The following DENND4C variants were observed in gnomAD, a reference collection of about 807,000 sequenced individuals.
The protein encoded by DENND4C is DENN domain-containing protein 4C.
DENND4C carries 108 observed loss-of-function variants against 203.0 expected under a neutral mutation model. The ratio of observed to expected loss-of-function variants is 0.53; its 90% CI spans 0.46 to 0.62. The LOEUF is 0.62. Ranked by LOEUF, DENND4C falls within the 20% of genes least tolerant of loss-of-function variation. The pLI, the probability that DENND4C is intolerant of heterozygous loss-of-function variation, is 0.00. For synonymous variants in DENND4C, 871 were observed against 792.4 expected (o/e 1.10, Z -1.67); for missense variants, 2,481 against 2,301.2 (o/e 1.08, Z -1.60).
chr9:19,233,443 G>C (rs1219741931), intron 1 of DENND4C, among the ~76,000 whole-genome samples: 1 of 151,436 alleles, frequency 6.6e-6, no homozygotes. Flanking sequence ...AAATTAGGCA[G>C]TTTTATTATT....
Position 19,346,090 on chromosome 9 carries a change from G to A in DENND4C, c.3321G>A (p.Lys1107=), listed in dbSNP as rs769061061. ...SSESRAGMLL[K]KSSLDSNSSE... Reference sequence around the variant, plus strand: ...AAAGTCGAGCAGGAATGTTGCTTAAGAAGAGTAGTTTGGATTCGAATTCAA... The same window carrying A: ...AAAGTCGAGCAGGAATGTTGCTTAAAAAGAGTAGTTTGGATTCGAATTCAA... The change falls in exon 23 of 33, where the codon AAG becomes AAA. Residue 1107 remains lysine (K), a synonymous_variant. Transcript: ENST00000434457. The A allele has an allele frequency of 6.2e-7, 1 of 1,614,220 alleles. No individual in the cohort carries two copies. Among genetic ancestry groups the A allele is most frequent in the South Asian group, 1.1e-5 (1 of 91,084 alleles).
At chr9:19,336,183 A>C in intron 18 of DENND4C, 87 bp from the exon 19 acceptor site, 1 of 1,204,432 alleles carries the variant, frequency 8.3e-7, no homozygotes, top group Non-Finnish European at 1.1e-6. Context: ...ATATATATAT[A>C]TAAACATACA....
Position 19,324,521 on chromosome 9 carries a change from C to T in DENND4C, c.1953+14C>T. 2 of 1,595,590 alleles carry T rather than the reference C, an allele frequency of 1.3e-6. No homozygotes were observed. The highest frequency in any genetic ancestry group is 1.7e-6 in the Non-Finnish European group (2 of 1,175,824). On this transcript the variant is annotated intron_variant, in intron 13 of 32. Coordinates refer to ENST00000434457, the MANE Select transcript of DENND4C (RefSeq NM_001330640.2). ...TGCATAGAAAAGGTAAAAGTTTGTA[C>T]TTATACTAGTGTTTAGAAAAAAAAG...
chr9:19,295,922 A>G (rs1454966451), intron 5 of DENND4C, 86 bp from the exon 6 acceptor site: 2 of 1,065,154 alleles, frequency 1.9e-6, no homozygotes, highest in East Asian at 4.8e-5. Context: ...ACTCCAAGCA[A>G]ATATTTCTTG....
intron 1 of DENND4C, among the ~76,000 whole-genome samples, chr9:19,256,281 C>CT (rs1454730615): frequency 1.5e-5 from 2 of 131,704 alleles, no homozygotes; most frequent in South Asian, 2.6e-4. Context: ...AAAAATTTTT[C>CT]TTTTTTTTCT....
At position 19,346,213 on chromosome 9, in the gene DENND4C, C is replaced by T. The variant is rs759869777; in HGVS notation, c.3444C>T (p.Ser1148=). 5 of 1,614,176 alleles carry T rather than the reference C, an allele frequency of 3.1e-6. No homozygotes were observed. In the Admixed American group the frequency reaches 8.3e-5, roughly 27 times the overall value. Residue 1148 remains serine (S), a synonymous_variant, in exon 23 of 33, where the codon AGC becomes AGT. Transcript: ENST00000434457. Reference sequence around the variant, plus strand: ...TACTTCATATTGCAAGAACCCATAGCTTTGAGAATGTTAGCTGTCACCTAC... The same window carrying T: ...TACTTCATATTGCAAGAACCCATAGTTTTGAGAATGTTAGCTGTCACCTAC... The part of the protein sequence containing the change: ...TSLLHIARTH[S]FENVSCHLPD...
In DENND4C at chr9:19,326,187, A is replaced by G. The variant is rs760112649; in HGVS notation, c.2113A>G (p.Lys705Glu). Residue 705 changes from lysine (K) to glutamate (E), a missense_variant, in exon 15 of 33, where the codon AAG (lysine) becomes GAG (glutamate). Lys to Glu is a moderately conservative substitution (Grantham distance 56). This residue lies in a region of DENND4C where 2,289 missense variants were observed against 2,113.3 expected (regional missense o/e 1.08). Coordinates refer to ENST00000434457, the MANE Select transcript of DENND4C (RefSeq NM_001330640.2). ...PPDDGKDLSP[K>E]YSYKYFPRLD... ...TGATGATGGAAAGGACCTGTCACCA[A>G]AGTACAGGTAGTAGGAAGTTTTAAA... The G allele has an allele frequency of 6.2e-7, 1 of 1,608,588 alleles. No homozygotes were observed. The highest frequency in any genetic ancestry group is 2.2e-5 in the East Asian group (1 of 44,800).
intron 10 of DENND4C, among the ~76,000 whole-genome samples, chr9:19,308,593 G>C (rs1840143813): frequency 6.6e-6 from 1 of 152,182 alleles, no homozygotes; most frequent in African/African-American, 2.4e-5. Context: ...ATTCCAGATA[G>C]CTTCTCCCAC....
intron 1 of DENND4C, among the ~76,000 whole-genome samples, chr9:19,232,055 G>A (rs1488223441): frequency 6.6e-6 from 1 of 152,114 alleles, no homozygotes; most frequent in Admixed American, 6.6e-5. Flanking sequence ...GTTGCAAAAG[G>A]AAGTTTTCAT....
chr9:19,360,451 C>G lies in DENND4C; in HGVS notation c.5368C>G (p.Leu1790Val). Reference sequence around the variant, plus strand: ...GGACCTTCCTAGTAACTTGCCAGGACTTATCCTCACATCTGAACATTGTAA... The same window carrying G: ...GGACCTTCCTAGTAACTTGCCAGGAGTTATCCTCACATCTGAACATTGTAA... ...RLDLPSNLPG[L>V]ILTSEHCNEG... Residue 1790 changes from leucine to valine, a missense_variant, in exon 29 of 33, where the codon CTT becomes GTT. Around this residue, in one of 3 missense-constraint regions of DENND4C, gnomAD observed 2,289 missense variants for 2,113.3 expected, o/e 1.08. Transcript: ENST00000434457. 6.2e-7 allele frequency: 1 copy of G among 1,614,154 alleles called. No homozygotes were observed. The highest frequency in any genetic ancestry group is 1.1e-5 in the South Asian group (1 of 91,080).
intron 9 of DENND4C, among the ~76,000 whole-genome samples, chr9:19,303,853 A>AT (rs936393431): frequency 2.0e-5 from 3 of 151,294 alleles, no homozygotes; most frequent in Non-Finnish European, 2.9e-5. Context: ...TAATTATTAA[A>AT]TTTTTTTTTG....
In DENND4C at chr9:19,266,970, ACC is replaced by A. The variant is rs1384268381; in HGVS notation, c.-17-9187_-17-9186del. Reference sequence around the variant, plus strand: ...CTTTTTTATCACATCGTGGTCAGAGACCTATTTGACGTACTTTCAGTTTTGTT... The same window carrying A: ...CTTTTTTATCACATCGTGGTCAGAGATATTTGACGTACTTTCAGTTTTGTT... On this transcript the variant is annotated intron_variant, in intron 1 of 32. Coordinates refer to ENST00000434457, the MANE Select transcript of DENND4C (RefSeq NM_001330640.2). 1.4e-4 allele frequency among the ~76,000 whole-genome samples: 22 copies of A among 152,212 alleles called. 2 individuals carry two copies. Among genetic ancestry groups the A allele is most frequent in the Admixed American group, 4.6e-4 (7 of 15,280 alleles).
At chr9:19,350,606 G>C (rs1049527502) in intron 23 of DENND4C, 96 bp from the exon 24 acceptor site, 20 of 1,035,852 alleles carry the variant, frequency 1.9e-5, no homozygotes, top group Non-Finnish European at 2.7e-5. Flanking sequence ...TTTGTTTAAG[G>C]ATTATAGAGT....
At chr9:19,312,143 G>A (rs954367408) in intron 10 of DENND4C, among the ~76,000 whole-genome samples, 6 of 152,070 alleles carry the variant, frequency 3.9e-5, no homozygotes, top group African/African-American at 9.7e-5. Context: ...TTGCTCTGTC[G>A]CCCAGGCTGG....
chr9:19,259,505 CTTT>C (rs1021585159), intron 1 of DENND4C, among the ~76,000 whole-genome samples: 5 of 131,486 alleles, frequency 3.8e-5, no homozygotes, highest in Non-Finnish European at 6.4e-5. Flanking sequence ...TTTCTTTTTT[CTTT>C]TTTTTTTTTT....
At position 19,346,717 on chromosome 9, in the gene DENND4C, T is replaced by C; in HGVS notation, c.3948T>C (p.Thr1316=). 1 of 1,614,194 alleles carries C rather than the reference T, an allele frequency of 6.2e-7. No individual in the cohort carries two copies. The highest frequency in any genetic ancestry group is 8.5e-7 in the Non-Finnish European group (1 of 1,180,008). ...REENRESGMT[T]AFIHALERRS... is the part of the protein sequence containing the mutation. Reference sequence around the variant, plus strand: ...AAAACAGAGAGTCTGGCATGACTACTGCATTTATTCATGCTCTAGAGAGGA... The same window carrying C: ...AAAACAGAGAGTCTGGCATGACTACCGCATTTATTCATGCTCTAGAGAGGA... The change falls in exon 23 of 33, where the codon ACT becomes ACC. Residue 1316 remains threonine (T), a synonymous_variant. Transcript: ENST00000434457.
At chr9:19,250,929 A>G (rs1476133823) in intron 1 of DENND4C, among the ~76,000 whole-genome samples, 1 of 152,212 alleles carries the variant, frequency 6.6e-6, no homozygotes, top group Non-Finnish European at 1.5e-5. Flanking sequence ...GAGTGTCTGC[A>G]GCTTTTCCAG....
At position 19,371,775 on chromosome 9, in the gene DENND4C, CTCT is replaced by C. The variant is rs770182927; in HGVS notation, c.5700_5702del (p.Phe1900del). 27 of 1,457,668 alleles carry C rather than the reference CTCT, an allele frequency of 1.9e-5. No individual in the cohort carries two copies. The highest frequency in any genetic ancestry group is 2.4e-5 in the Non-Finnish European group (25 of 1,051,552). The allele number at this position is 1,457,668 out of a possible 1,614,324, so 90.3% of individuals were successfully genotyped here. On this transcript the variant is annotated inframe_deletion, in exon 32 of 33. Transcript: ENST00000434457. ...TTATAGGAGTTTATACAGAGAAATC[CTCT>C]TCTTATCATTAGTGTCTCTAGGAAG...
chr9:19,330,511 T>G (rs1344686833), intron 16 of DENND4C, among the ~76,000 whole-genome samples: 6 of 151,856 alleles, frequency 4.0e-5, no homozygotes, highest in Non-Finnish European at 8.8e-5. Context: ...AACTAATTTT[T>G]GTATTTTTAG....
Sources: allele counts gnomAD v4.1 joint callset (sites outside exome capture counted in the v4.1 genomes callset), GRCh38; gene constraint gnomAD v4.1.1; regional missense constraint gnomAD v4.1.1; transcripts MANE v1.5; gene names NCBI Gene and HGNC (gene_info 2026-07-23, HGNC 2026-07-21).